Variants in COMMD10 observed in about 807,000 individuals in gnomAD.
COMMD10 encodes COMM domain-containing protein 10.
COMMD10 carries 33 observed loss-of-function variants against 28.9 expected under a neutral mutation model. The ratio of observed to expected loss-of-function variants is 1.14; its 90% CI spans 0.87 to 1.53. The LOEUF is 1.53. Among genes scored for constraint, COMMD10 ranks in the 40% most tolerant of loss-of-function variants. The probability of loss-of-function intolerance (pLI) is 0.00; values close to 1 mark genes in which losing one functional copy is unlikely to be tolerated. For synonymous variants in COMMD10, 110 were observed against 81.7 expected (o/e 1.35, Z -1.87); for missense variants, 310 against 233.4 (o/e 1.33, Z -2.14).
intron 4 of COMMD10, among the ~76,000 whole-genome samples, chr5:116,106,487 A>G (rs1266543868): frequency 6.6e-6 from 1 of 152,174 alleles, no homozygotes; most frequent in Non-Finnish European, 1.5e-5. Flanking sequence ...AGTTCTGTAG[A>G]TGTCTATTAA....
intron 5 of COMMD10, among the ~76,000 whole-genome samples, chr5:116,288,616 A>G (rs1751283254): frequency 6.6e-6 from 1 of 151,600 alleles, no homozygotes; most frequent in Admixed American, 6.6e-5. Flanking sequence ...ATCCCTTATC[A>G]TCTCTTCACA....
At chr5:116,219,295 T>TCCCTTCCCCTTC (rs562802660) in intron 5 of COMMD10, among the ~76,000 whole-genome samples, 2 of 152,104 alleles carry the variant, frequency 1.3e-5, no homozygotes, top group African/African-American at 4.8e-5. Flanking sequence ...TTTCTCCCTT[T>TCCCTTCCCCTTC]CCCTTCCCCT....
intron 5 of COMMD10, among the ~76,000 whole-genome samples, chr5:116,212,224 G>A (rs1222483090): frequency 6.6e-6 from 1 of 152,092 alleles, no homozygotes; most frequent in Non-Finnish European, 1.5e-5. Flanking sequence ...CTGTAGCAGT[G>A]GTTTGATGGG....
intron 4 of COMMD10, among the ~76,000 whole-genome samples, chr5:116,114,124 G>C (rs1751153039): frequency 6.6e-6 from 1 of 152,092 alleles, no homozygotes; most frequent in Non-Finnish European, 1.5e-5. Context: ...AATTATGCTA[G>C]GGACTGGAAT....
chr5:116,263,184 A>T (rs1220146036), intron 5 of COMMD10, among the ~76,000 whole-genome samples: 1 of 151,778 alleles, frequency 6.6e-6, no homozygotes, highest in African/African-American at 2.4e-5. Context: ...AGGACTTTTT[A>T]AAAACATCTA....
intron 4 of COMMD10, among the ~76,000 whole-genome samples, chr5:116,126,096 C>A (rs2112759758): frequency 6.6e-6 from 1 of 152,288 alleles, no homozygotes; most frequent in Non-Finnish European, 1.5e-5. Context: ...GATACAAAAT[C>A]AGTGTGCAAA....
At chr5:116,279,176 C>G (rs1318126229) in intron 5 of COMMD10, among the ~76,000 whole-genome samples, 2 of 151,732 alleles carry the variant, frequency 1.3e-5, no homozygotes, top group Non-Finnish European at 2.9e-5. Flanking sequence ...ACTGGTACTT[C>G]CGTACTGCCT....
intron 5 of COMMD10, among the ~76,000 whole-genome samples, chr5:116,259,556 G>C (rs1750382095): frequency 6.6e-6 from 1 of 151,458 alleles, no homozygotes; most frequent in African/African-American, 2.4e-5. Context: ...TTTGTTGTTT[G>C]TTGAATAGTT....
chr5:116,176,175 G>C (rs1325920531), intron 5 of COMMD10, among the ~76,000 whole-genome samples: 1 of 152,100 alleles, frequency 6.6e-6, no homozygotes, highest in African/African-American at 2.4e-5. Context: ...GCAGTGGCAC[G>C]ATCTTGGTTC....
chr5:116,171,647 C>T (rs1753337827), intron 5 of COMMD10, among the ~76,000 whole-genome samples: 1 of 152,026 alleles, frequency 6.6e-6, no homozygotes, highest in South Asian at 2.1e-4. Context: ...ACTATTCAGC[C>T]ATAAAAAAGG....
At chr5:116,123,618 T>G (rs1191227259) in intron 4 of COMMD10, among the ~76,000 whole-genome samples, 1 of 152,190 alleles carries the variant, frequency 6.6e-6, no homozygotes, top group East Asian at 1.9e-4. Flanking sequence ...CTTTTTCTGT[T>G]GTTTGGAATA....
chr5:116,095,255 T>G (rs945747997), intron 4 of COMMD10, among the ~76,000 whole-genome samples: 2 of 152,074 alleles, frequency 1.3e-5, no homozygotes, highest in Non-Finnish European at 2.9e-5. Context: ...CATTACACAG[T>G]CTATGCATAT....
At position 116,131,340 on chromosome 5, in the gene COMMD10, C is replaced by G. The variant is rs542079872; in HGVS notation, c.400-2728C>G. On this transcript the variant is annotated intron_variant, in intron 4 of 6. Coordinates refer to ENST00000274458, the MANE Select transcript of COMMD10 (RefSeq NM_016144.4). ...ATTATAAAAAGGATTTCTGGACATGCTTTGGCCTGCAGATAATATTGTATG... is the reference window on the plus strand; with the variant it reads ...ATTATAAAAAGGATTTCTGGACATGGTTTGGCCTGCAGATAATATTGTATG... 5.9e-5 allele frequency among the ~76,000 whole-genome samples: 9 copies of G among 151,732 alleles called. No homozygotes were observed. In the South Asian group the frequency reaches 6.2e-4, roughly 10 times the overall value.
At chr5:116,269,489 T>C (rs1398702679) in intron 5 of COMMD10, among the ~76,000 whole-genome samples, 2 of 151,854 alleles carry the variant, frequency 1.3e-5, no homozygotes, top group African/African-American at 4.9e-5. Flanking sequence ...ATAAAAAATC[T>C]TATGCAGTTC....
chr5:116,241,905 C>G (rs888875371), intron 5 of COMMD10, among the ~76,000 whole-genome samples: 23 of 152,284 alleles, frequency 1.5e-4, no homozygotes, highest in African/African-American at 5.3e-4. Context: ...GCGTGAGCCA[C>G]CACGCCCAGC....
At position 116,085,072 on chromosome 5, in the gene COMMD10, T is replaced by C. The variant is rs764035865; in HGVS notation, c.20T>C (p.Leu7Pro). ...CCGAAGATGGCGGTCCCCGCGGCGCTGATCCTACGGGAGAGCCCCAGGTAG... is the reference window on the plus strand; with the variant it reads ...CCGAAGATGGCGGTCCCCGCGGCGCCGATCCTACGGGAGAGCCCCAGGTAG... Reference protein sequence around the residue: MAVPAALILRESPSMKK... With the variant: MAVPAAPILRESPSMKK... The change falls in exon 1 of 7, where the codon CTG becomes CCG. Residue 7 changes from leucine (L) to proline (P), a missense_variant. Transcript: ENST00000274458. The C allele has an allele frequency of 1.2e-6, 2 of 1,610,146 alleles. No homozygotes were observed. The highest frequency in any genetic ancestry group is 1.7e-6 in the Non-Finnish European group (2 of 1,179,082).
chr5:116,157,217 C>T (rs1180972644), intron 5 of COMMD10, among the ~76,000 whole-genome samples: 2 of 152,152 alleles, frequency 1.3e-5, no homozygotes, highest in East Asian at 3.9e-4. Flanking sequence ...ACCAATACTA[C>T]ATATTTTATT....
chr5:116,167,560 G>T (rs1182915038), intron 5 of COMMD10, among the ~76,000 whole-genome samples: 2 of 152,100 alleles, frequency 1.3e-5, no homozygotes, highest in Non-Finnish European at 2.9e-5. Context: ...CACCAAGGTG[G>T]ACATGACGGA....
chr5:116,219,819 G>C (rs72804893), intron 5 of COMMD10, among the ~76,000 whole-genome samples: 8,020 of 152,170 alleles, frequency 0.053, 293 homozygotes, highest in East Asian at 0.14. Context: ...TGAATCATAT[G>C]ATGTTTGCTT....
Sources: allele counts gnomAD v4.1 joint callset (sites outside exome capture counted in the v4.1 genomes callset), GRCh38; gene constraint gnomAD v4.1.1; transcripts MANE v1.5; gene names NCBI Gene and HGNC (gene_info 2026-07-23, HGNC 2026-07-21).